Variants in SPATA6 observed in about 807,000 individuals in gnomAD.
SPATA6 encodes spermatogenesis-associated protein 6.
SPATA6 carries 56 observed loss-of-function variants against 65.3 expected under a neutral mutation model. That is an observed-to-expected ratio of 0.86 (90% CI 0.69 to 1.07). The LOEUF (loss-of-function observed/expected upper bound fraction) is 1.07, where lower values mean the gene tolerates loss of function less well. Ranked by LOEUF, SPATA6 falls within the 50% of genes least tolerant of loss-of-function variation. The pLI is 0.00. For missense variants in SPATA6, 590 were observed against 594.8 expected (o/e 0.99, Z 0.08); for synonymous variants, 199 against 213.2 (o/e 0.93, Z 0.58).
rs1180160385 is a variant in SPATA6, at chr1:48,296,918, T to G, written c.*1795A>C. 6.6e-6 allele frequency: 1 copy of G among 152,196 alleles called. No individual in the cohort carries two copies. Among genetic ancestry groups the G allele is most frequent in the East Asian group, 1.9e-4 (1 of 5,182 alleles). The allele number at this position is 152,196 out of a possible 1,614,324, so 9.4% of individuals were successfully genotyped here. A position where few individuals can be genotyped will look rare whatever the true frequency, so the allele number is the denominator to read the frequency against. ...TAATTCGATAAATATTTAAGGAACA[T>G]CAATTACATGCCAGGCTGTCTACTA... On this transcript the variant is annotated 3_prime_UTR_variant, in exon 13 of 13. Coordinates refer to ENST00000371847, the MANE Select transcript of SPATA6 (RefSeq NM_019073.4).
At chr1:48,358,755 T>A (rs1225316610) in intron 10 of SPATA6, among the ~76,000 whole-genome samples, 5 of 152,180 alleles carry the variant, frequency 3.3e-5, no homozygotes, top group Non-Finnish European at 7.3e-5. Flanking sequence ...ATGATTCTAA[T>A]GGACTAGAAG....
intron 8 of SPATA6, among the ~76,000 whole-genome samples, chr1:48,387,591 C>T (rs1279903685): frequency 6.6e-6 from 1 of 152,238 alleles, no homozygotes; most frequent in Admixed American, 6.5e-5. Flanking sequence ...CACTCTGCCC[C>T]TGCCTACCAC....
intron 3 of SPATA6, among the ~76,000 whole-genome samples, chr1:48,415,247 C>T (rs1652648149): frequency 1.3e-5 from 2 of 152,160 alleles, no homozygotes; most frequent in African/African-American, 2.4e-5. Flanking sequence ...TTGGACAGGA[C>T]GTTGCTGGGC....
At chr1:48,436,026 A>T (rs1356337644) in intron 3 of SPATA6, 16 of 1,608,738 alleles carry the variant, frequency 9.9e-6, no homozygotes, top group Non-Finnish European at 1.4e-5. Flanking sequence ...TCAGACCTGA[A>T]AAACAGTCTG....
intron 8 of SPATA6, among the ~76,000 whole-genome samples, chr1:48,389,855 C>T (rs1446398975): frequency 6.6e-6 from 1 of 151,994 alleles, no homozygotes; most frequent in African/African-American, 2.4e-5. Flanking sequence ...CAAAACTCAA[C>T]AATAAAGCAA....
At chr1:48,315,173 T>G (rs1173800057) in intron 11 of SPATA6, among the ~76,000 whole-genome samples, 1 of 152,178 alleles carries the variant, frequency 6.6e-6, no homozygotes, top group East Asian at 1.9e-4. Flanking sequence ...AAAGAGGGAA[T>G]CCTCCCTAAC....
intron 11 of SPATA6, among the ~76,000 whole-genome samples, chr1:48,314,991 G>A (rs538097503): frequency 1.3e-5 from 2 of 152,224 alleles, no homozygotes; most frequent in East Asian, 1.9e-4. Context: ...GACTAAACCA[G>A]GAAGAAGCTG....
At chr1:48,381,687 CTTT>C (rs34196190) in intron 9 of SPATA6, among the ~76,000 whole-genome samples, 2 of 121,712 alleles carry the variant, frequency 1.6e-5, no homozygotes, top group African/African-American at 6.5e-5. Context: ...AATTTTTTTT[CTTT>C]TTTTTTTTAA....
rs868429936 is a variant in SPATA6, at chr1:48,296,988, C to T, written c.*1725G>A. On this transcript the variant is annotated 3_prime_UTR_variant, in exon 13 of 13. Transcript: ENST00000371847. ...TTATACCAGAATTTTCTTAAAGCCT[C>T]GAACAAGCTACTGTTCACAATGAGC... 4.0e-5 allele frequency: 6 copies of T among 149,610 alleles called. No homozygotes were observed. Among genetic ancestry groups the T allele is most frequent in the South Asian group, 2.1e-4 (1 of 4,744 alleles). The allele number at this position is 149,610 out of a possible 1,614,324, so 9.3% of individuals were successfully genotyped here.
intron 11 of SPATA6, among the ~76,000 whole-genome samples, chr1:48,334,216 T>C (rs1225940414): frequency 6.6e-6 from 1 of 151,994 alleles, no homozygotes; most frequent in Non-Finnish European, 1.5e-5. Context: ...GAAGAGCTGG[T>C]ACCATTCTTA....
chr1:48,312,934 AG>A (rs1427605549), intron 11 of SPATA6, among the ~76,000 whole-genome samples: 1 of 152,240 alleles, frequency 6.6e-6, no homozygotes. Flanking sequence ...ATCAACTGTA[AG>A]AAAGGGCATC....
At chr1:48,303,952 G>A (rs541975206) in intron 12 of SPATA6, among the ~76,000 whole-genome samples, 2 of 152,258 alleles carry the variant, frequency 1.3e-5, no homozygotes, top group South Asian at 4.1e-4. Context: ...CATGATGCCT[G>A]TGTCAAACGG....
At chr1:48,316,454 T>G (rs1447266917) in intron 11 of SPATA6, among the ~76,000 whole-genome samples, 6 of 152,146 alleles carry the variant, frequency 3.9e-5, no homozygotes, top group Non-Finnish European at 8.8e-5. Flanking sequence ...ATTTAATAAA[T>G]AGTGCTGGGA....
At chr1:48,420,860 AAAG>A (rs1435837092) in intron 3 of SPATA6, among the ~76,000 whole-genome samples, 1 of 152,242 alleles carries the variant, frequency 6.6e-6, no homozygotes, top group Admixed American at 6.5e-5. Context: ...GAGCCATGAA[AAAG>A]AATGAAATCT....
At chr1:48,353,727 C>A (rs1369870179) in intron 11 of SPATA6, among the ~76,000 whole-genome samples, 3 of 151,824 alleles carry the variant, frequency 2.0e-5, no homozygotes, top group Non-Finnish European at 4.4e-5. Flanking sequence ...AGACTTGAAC[C>A]TTTCTTGAAA....
intron 3 of SPATA6, among the ~76,000 whole-genome samples, chr1:48,449,369 T>C (rs1191494704): frequency 6.6e-6 from 1 of 152,212 alleles, no homozygotes; most frequent in Non-Finnish European, 1.5e-5. Context: ...AGATATTTTA[T>C]GCAACTTGAC....
intron 11 of SPATA6, among the ~76,000 whole-genome samples, chr1:48,308,841 C>T (rs1244427886): frequency 1.3e-5 from 2 of 152,082 alleles, no homozygotes; most frequent in African/African-American, 4.8e-5. Flanking sequence ...TGAATTCCTT[C>T]TCCCTTGCTG....
intron 3 of SPATA6, among the ~76,000 whole-genome samples, chr1:48,445,202 T>C (rs1225464766): frequency 6.6e-6 from 1 of 152,228 alleles, no homozygotes; most frequent in East Asian, 1.9e-4. Flanking sequence ...TTGGCTTGAC[T>C]TTATATTTTA....
chr1:48,340,663 AG>A (rs1251643872), intron 11 of SPATA6, among the ~76,000 whole-genome samples: 1 of 152,026 alleles, frequency 6.6e-6, no homozygotes, highest in African/African-American at 2.4e-5. Flanking sequence ...AAATATAAAC[AG>A]ATTTATCAGA....
Sources: gnomAD v4.1 joint callset for allele counts (sites outside exome capture counted in the v4.1 genomes callset) on GRCh38, gnomAD v4.1.1 for gene constraint, MANE v1.5 for transcripts, NCBI Gene and HGNC (gene_info 2026-07-23, HGNC 2026-07-21) for gene names.